The following RSRP1 variants were observed in gnomAD, a reference collection of about 807,000 sequenced individuals.
RSRP1 encodes the protein arginine/serine-rich protein 1.
RSRP1 carries 37 observed loss-of-function variants against 33.0 expected under a neutral mutation model. That is an observed-to-expected ratio of 1.12 (90% confidence interval 0.86 to 1.48). RSRP1 has a LOEUF of 1.48. Ranked by LOEUF, RSRP1 falls within the 40% of genes most tolerant of loss-of-function variation. The pLI is 0.00. For synonymous variants in RSRP1, 167 were observed against 158.7 expected (o/e 1.05, Z -0.40); for missense variants, 402 against 385.3 (o/e 1.04, Z -0.36).
At chr1:25,302,132 G>T (rs752832689) in intron 1 of RSRP1, among the ~76,000 whole-genome samples, 1 of 131,258 alleles carries the variant, frequency 7.6e-6, no homozygotes, top group African/African-American at 2.6e-5. Flanking sequence ...CCACTTCAAC[G>T]TTTTGAGTCT....
intron 1 of RSRP1, among the ~76,000 whole-genome samples, chr1:25,311,588 T>C (rs1285179316): frequency 6.9e-5 from 9 of 129,562 alleles, no homozygotes; most frequent in African/African-American, 2.4e-4. Context: ...AGGCTGTTCA[T>C]CAGGACAAGG....
chr1:25,256,115 A>G (rs1262777414), intron 1 of RSRP1, among the ~76,000 whole-genome samples: 11 of 150,630 alleles, frequency 7.3e-5, no homozygotes, highest in South Asian at 2.1e-4. Context: ...CTATTAATGG[A>G]TAAGTTTTTC....
At chr1:25,281,681 G>A (rs1641500204) in intron 1 of RSRP1, among the ~76,000 whole-genome samples, 1 of 131,034 alleles carries the variant, frequency 7.6e-6, no homozygotes, top group Non-Finnish European at 1.8e-5. Context: ...ATGCAAGCAG[G>A]AGATAGAAAC....
In RSRP1 at chr1:25,282,103, C is replaced by T. The variant is rs1281719195; in HGVS notation, c.-66-35074G>A. On this transcript the variant is annotated intron_variant, in intron 1 of 1. Coordinates refer to the RSRP1 transcript ENST00000561867. ...TCCATGTGCCAGTCACTGTACTAAA[C>T]ATTATTTCCTTTGGATTTCCCAGAA... Among the ~76,000 whole-genome samples, 7 of 132,310 alleles carry T rather than the reference C, an allele frequency of 5.3e-5. 3 individuals are homozygous for T. Among genetic ancestry groups the T allele is most frequent in the South Asian group, 4.6e-4 (2 of 4,306 alleles). 86.8% of individuals were successfully genotyped at this position (132,310 alleles called of 152,430 possible). A position where few individuals can be genotyped will look rare whatever the true frequency, so the allele number is the denominator to read the frequency against.
chr1:25,331,423 C>A (rs1645004001), intron 1 of RSRP1, among the ~76,000 whole-genome samples: 1 of 132,106 alleles, frequency 7.6e-6, no homozygotes, highest in Admixed American at 7.4e-5. Flanking sequence ...GAGCTCAATT[C>A]AGTAAATAGC....
rs1323162019 is a variant in RSRP1 at position 25,283,264 on chromosome 1, C to T, written c.-66-36235G>A. On this transcript the variant is annotated intron_variant, in intron 1 of 1. Coordinates refer to the RSRP1 transcript ENST00000561867. ...CTTGGCTGTAGGCCAGGCCCTGTGG[C>T]TCATGTCTGTAATCCCATCACTTTG... Among the ~76,000 whole-genome samples, 4 of 132,436 alleles carry T rather than the reference C, an allele frequency of 3.0e-5. 1 individual carries two copies. The highest frequency in any genetic ancestry group is 5.4e-5 in the Non-Finnish European group (3 of 55,912). The allele number at this position is 132,436 out of a possible 152,430, so 86.9% of individuals were successfully genotyped here.
chr1:25,297,160 T>C, intron 1 of RSRP1, among the ~76,000 whole-genome samples: 1 of 100,286 alleles, frequency 1.0e-5, no homozygotes, highest in East Asian at 2.1e-4. Flanking sequence ...CATCTTTCTT[T>C]ATCTTTCATG....
chr1:25,293,662 A>G lies in RSRP1; in HGVS notation c.-67+44316T>C, dbSNP rs1285927003. Among the ~76,000 whole-genome samples the G allele has an allele frequency of 5.3e-5, 7 of 131,690 alleles. 1 individual carries two copies. Among genetic ancestry groups the G allele is most frequent in the Middle Eastern group, 4.1e-3 (1 of 246 alleles). The allele number at this position is 131,690 out of a possible 152,430, so 86.4% of individuals were successfully genotyped here. The stretch of plus-strand genomic sequence containing the variant: ...GATAGCAGCATTTCCTAATTTTAAA[A>G]TTTCCCTAGTATATGTAACCATCAG... On this transcript the variant is annotated intron_variant, in intron 1 of 1. Coordinates refer to the RSRP1 transcript ENST00000561867.
intron 1 of RSRP1, among the ~76,000 whole-genome samples, chr1:25,281,841 A>G (rs1641512281): frequency 7.6e-6 from 1 of 132,386 alleles, no homozygotes; most frequent in Non-Finnish European, 1.8e-5. Flanking sequence ...TTGATTTGGA[A>G]ATGTCAGTGT....
rs667141 is a variant in RSRP1, at chr1:25,330,148, C to T, written c.-67+7830G>A. The T allele has an allele frequency of 1.1e-4, 15 of 132,592 alleles. 3 individuals are homozygous for T. Among genetic ancestry groups the T allele is most frequent in the Middle Eastern group, 4.1e-3 (1 of 246 alleles). 8.2% of individuals were successfully genotyped at this position (132,592 alleles called of 1,614,324 possible). On this transcript the variant is annotated intron_variant, in intron 1 of 1. Coordinates refer to the RSRP1 transcript ENST00000561867. The stretch of plus-strand genomic sequence containing the variant: ...ACGACAGCTCTCTGTGCACTGATTG[C>T]ATATGCATCCCAAGATTATATTATT...
intron 1 of RSRP1, among the ~76,000 whole-genome samples, chr1:25,274,150 A>G (rs1383399626): frequency 1.5e-5 from 2 of 132,394 alleles, no homozygotes; most frequent in Admixed American, 1.5e-4. Context: ...ACTATTCTAC[A>G]TGCTTTACAT....
In RSRP1 at chr1:25,305,419, C is replaced by T. The variant is rs1209672677; in HGVS notation, c.-67+32559G>A. Among the ~76,000 whole-genome samples the T allele has an allele frequency of 9.5e-5, 12 of 126,160 alleles. No homozygotes were observed. In the East Asian group the frequency reaches 2.4e-3, roughly 25 times the overall value. The allele number at this position is 126,160 out of a possible 152,430, so 82.8% of individuals were successfully genotyped here. A position where few individuals can be genotyped will look rare whatever the true frequency, so the allele number is the denominator to read the frequency against. ...TTATTTATTTATTTATTTATTGAGA[C>T]AGAGTCTCATTCTGTCACCCAGGCT... On this transcript the variant is annotated intron_variant, in intron 1 of 1. Transcript: ENST00000561867.
chr1:25,286,498 T>G (rs1221084527), intron 1 of RSRP1, among the ~76,000 whole-genome samples: 1 of 133,144 alleles, frequency 7.5e-6, no homozygotes, highest in Non-Finnish European at 1.8e-5. Flanking sequence ...CAAAAAACAG[T>G]TTTAGGGGCC....
chr1:25,279,004 T>C lies in RSRP1; in HGVS notation c.-66-31975A>G, dbSNP rs931092912. On this transcript the variant is annotated intron_variant, in intron 1 of 1. Coordinates refer to the RSRP1 transcript ENST00000561867. Reference sequence around the variant, plus strand: ...GAAGCTGGGTGTGACTTCAGAGCTGTTGGTGCTGAAGTTTCTGCAGGCCAG... The same window carrying C: ...GAAGCTGGGTGTGACTTCAGAGCTGCTGGTGCTGAAGTTTCTGCAGGCCAG... Among the ~76,000 whole-genome samples the C allele has an allele frequency of 3.1e-5, 4 of 129,272 alleles. 1 individual carries two copies. The highest frequency in any genetic ancestry group is 3.0e-4 in the Admixed American group (4 of 13,346). 84.8% of individuals were successfully genotyped at this position (129,272 alleles called of 152,430 possible). A position where few individuals can be genotyped will look rare whatever the true frequency, so the allele number is the denominator to read the frequency against.
intron 1 of RSRP1, among the ~76,000 whole-genome samples, chr1:25,277,575 T>C (rs1259178595): frequency 2.3e-5 from 3 of 130,764 alleles, no homozygotes; most frequent in Non-Finnish European, 1.8e-5. Flanking sequence ...AACCTCTTTC[T>C]GCCTCTGTTT....
chr1:25,292,649 G>A (rs11485789), intron 1 of RSRP1, among the ~76,000 whole-genome samples: 3,762 of 129,794 alleles, frequency 0.029, 596 homozygotes, highest in African/African-American at 0.091. Flanking sequence ...GGTTAAGGTT[G>A]GGGGAGGGGG....
In RSRP1 at chr1:25,246,562, C is replaced by T; in HGVS notation, c.402G>A (p.Ala134=). Residue 134 remains alanine, a synonymous_variant, in exon 2 of 5, where the codon GCG becomes GCA. Coordinates refer to ENST00000243189, the MANE Select transcript of RSRP1 (RefSeq NM_020317.5). The part of the protein sequence containing the change: ...RSYCGRAYAI[A]RGQRYYGFGR... Reference sequence around the variant, plus strand: ...CAAAGCCGTAGTAGCGCTGTCCCCGCGCGATCGCGTACGCCCTTCCGCAGT... The same window carrying T: ...CAAAGCCGTAGTAGCGCTGTCCCCGTGCGATCGCGTACGCCCTTCCGCAGT... 6.2e-7 allele frequency: 1 copy of T among 1,614,238 alleles called. No homozygotes were observed. The highest frequency in any genetic ancestry group is 1.1e-5 in the South Asian group (1 of 91,090).
chr1:25,316,789 A>G (rs1451044038), intron 1 of RSRP1, among the ~76,000 whole-genome samples: 1 of 79,298 alleles, frequency 1.3e-5, no homozygotes, highest in African/African-American at 3.5e-5. Flanking sequence ...AATAAGCCAC[A>G]ATCTTGGAAT....
upstream of RSRP1, among the ~76,000 whole-genome samples, chr1:25,248,632 T>C (rs1009454324): frequency 1.4e-4 from 21 of 152,270 alleles, no homozygotes; most frequent in Non-Finnish European, 2.6e-4. Flanking sequence ...TACAAGTACA[T>C]TTTGACAAAA....
Sources: gnomAD v4.1 joint callset for allele counts (sites outside exome capture counted in the v4.1 genomes callset) on GRCh38, gnomAD v4.1.1 for gene constraint, MANE v1.5 for transcripts, NCBI Gene and HGNC (gene_info 2026-07-23, HGNC 2026-07-21) for gene names.